The following HMCES variants were observed in gnomAD, a reference collection of about 807,000 sequenced individuals.
HMCES encodes abasic site processing protein HMCES.
Under a neutral mutation model 35.1 loss-of-function variants are expected in HMCES, and 27 were observed. That is an observed-to-expected ratio of 0.77 (90% CI 0.57 to 1.06). The LOEUF (loss-of-function observed/expected upper bound fraction) is 1.06, where lower values mean the gene tolerates loss of function less well. HMCES is among the 50% of genes least tolerant of loss of function. HMCES has a pLI of 0.00. For synonymous variants in HMCES, 130 were observed against 154.7 expected (o/e 0.84, Z 1.18); for missense variants, 391 against 430.4 (o/e 0.91, Z 0.81).
At chr3:129,285,212 C>T (rs1197015631) in intron 2 of HMCES, among the ~76,000 whole-genome samples, 1 of 152,096 alleles carries the variant, frequency 6.6e-6, no homozygotes, top group Admixed American at 6.6e-5. Flanking sequence ...GAAACTTTAC[C>T]TTCATGGCAT....
At chr3:129,302,511 G>A (rs935116566) in intron 6 of HMCES, among the ~76,000 whole-genome samples, 2 of 151,982 alleles carry the variant, frequency 1.3e-5, no homozygotes, top group Admixed American at 6.6e-5. Context: ...TCAACAGATC[G>A]AGACCATCCT....
chr3:129,284,866 C>T (rs554370267), intron 2 of HMCES, among the ~76,000 whole-genome samples: 3 of 152,228 alleles, frequency 2.0e-5, no homozygotes, highest in South Asian at 2.1e-4. Context: ...GAGCTGAGAT[C>T]GTGCCACTGC....
At chr3:129,297,154 T>C (rs1185721733) in intron 4 of HMCES, among the ~76,000 whole-genome samples, 1 of 152,136 alleles carries the variant, frequency 6.6e-6, no homozygotes, top group Non-Finnish European at 1.5e-5. Context: ...GTTGTTGGAT[T>C]TTCCTGTGAG....
intron 2 of HMCES, among the ~76,000 whole-genome samples, chr3:129,286,742 G>A (rs777497161): frequency 1.6e-4 from 24 of 150,802 alleles, no homozygotes; most frequent in Non-Finnish European, 4.4e-5. Flanking sequence ...AAATCTTTTG[G>A]ATGTCACTGT....
In HMCES at chr3:129,279,839, A is replaced by G; in HGVS notation, c.107A>G (p.Asp36Gly). Residue 36 changes from aspartate to glycine, a missense_variant, in exon 2 of 7, where the codon GAT (aspartate) becomes GGT (glycine). Transcript: ENST00000383463. The surrounding 1 kb of genome is among the most constrained non-coding windows in gnomAD (Gnocchi z 4.2). ...QQRLPEWRDP[D>G]KYCPSYNKSP... ...CGGCTCCCGGAGTGGAGGGACCCTG[A>G]TAAGTACTGCCCCTCTTACAACAAG... 6 of 1,613,582 alleles carry G rather than the reference A, an allele frequency of 3.7e-6. No homozygotes were observed. The highest frequency in any genetic ancestry group is 2.2e-5 in the East Asian group (1 of 44,864).
At chr3:129,300,560 G>A (rs1236084216) in intron 5 of HMCES, among the ~76,000 whole-genome samples, 1 of 152,130 alleles carries the variant, frequency 6.6e-6, no homozygotes, top group Non-Finnish European at 1.5e-5. Context: ...CACCTGTCAG[G>A]ATTACCTGCT....
Position 129,295,076 on chromosome 3 carries a change from A to G in HMCES, c.454-3278A>G, listed in dbSNP as rs1477522668. On this transcript the variant is annotated intron_variant, in intron 4 of 6. Coordinates refer to ENST00000383463, the MANE Select transcript of HMCES (RefSeq NM_020187.3). ...TGGGAGGCTGAGGCAGGAGAATGGC[A>G]TGAACCCAGGAGGCAGAGCTTGCAG... Among the ~76,000 whole-genome samples the G allele has an allele frequency of 4.6e-5, 7 of 150,672 alleles. No homozygotes were observed. In the East Asian group the frequency reaches 5.9e-4, roughly 13 times the overall value.
rs1269328249 is a variant in HMCES, at chr3:129,279,364, G to C, written c.-23-346G>C. 6.6e-6 allele frequency among the ~76,000 whole-genome samples: 1 copy of C among 152,188 alleles called. No homozygotes were observed. Among genetic ancestry groups the C allele is most frequent in the Non-Finnish European group, 1.5e-5 (1 of 68,012 alleles). On this transcript the variant is annotated intron_variant, in intron 1 of 6. Transcript: ENST00000383463. This position sits in a 1 kb window ranked among gnomAD's most constrained non-coding sequence, Gnocchi z 4.2. ...GGACTGGGGGGAAGGACGGGGAGTT[G>C]GGGGCACCAAGTCACCCGGAGGAGG...
intron 5 of HMCES, among the ~76,000 whole-genome samples, chr3:129,300,632 C>A (rs1038978001): frequency 6.6e-6 from 1 of 152,074 alleles, no homozygotes; most frequent in African/African-American, 2.4e-5. Context: ...CGCAGTGGCT[C>A]ACACCTGTAA....
intron 2 of HMCES, among the ~76,000 whole-genome samples, 198 bp downstream of exon 2, chr3:129,280,113 T>G (rs1482198224): frequency 2.6e-5 from 4 of 152,204 alleles, no homozygotes; most frequent in Admixed American, 2.6e-4. Flanking sequence ...TAAAGACGTA[T>G]TTTTCAGGCT....
chr3:129,304,380 T>G (rs2071209305), intron 6 of HMCES, among the ~76,000 whole-genome samples: 1 of 152,236 alleles, frequency 6.6e-6, no homozygotes. Flanking sequence ...CACAATCCTC[T>G]GTGAAACCTT....
In HMCES at chr3:129,279,510, G is replaced by T. The variant is rs1366516327; in HGVS notation, c.-23-200G>T. Among the ~76,000 whole-genome samples the T allele has an allele frequency of 6.6e-6, 1 of 152,218 alleles. No homozygotes were observed. The highest frequency in any genetic ancestry group is 1.5e-5 in the Non-Finnish European group (1 of 68,036). ...CTCTCGGGACTTGCCTCAGTGCCCT[G>T]CACGGAGCTGGGCAGTGGGCTCAGG... On this transcript the variant is annotated intron_variant, in intron 1 of 6. Transcript: ENST00000383463. This position sits in a 1 kb window ranked among gnomAD's most constrained non-coding sequence, Gnocchi z 4.2.
In HMCES at chr3:129,290,057, G is replaced by A. The variant is rs372833769; in HGVS notation, c.328-622G>A. 6.5e-4 allele frequency among the ~76,000 whole-genome samples: 98 copies of A among 151,736 alleles called. 2 individuals are homozygous for A. The East Asian group carries it at 0.013, about 20-fold the overall frequency. The stretch of plus-strand genomic sequence containing the variant: ...AAAAAATTAGCCGGGCGTGGTGGCG[G>A]ACGCCTGTAGTCCCAGCTACTCGGG... On this transcript the variant is annotated intron_variant, in intron 3 of 6. Coordinates refer to ENST00000383463, the MANE Select transcript of HMCES (RefSeq NM_020187.3).
intron 4 of HMCES, among the ~76,000 whole-genome samples, chr3:129,295,242 G>A (rs1421811891): frequency 6.7e-6 from 1 of 150,048 alleles, no homozygotes; most frequent in African/African-American, 2.5e-5. Context: ...ATGTACAGTG[G>A]TTTTTAGTAT....
intron 2 of HMCES, among the ~76,000 whole-genome samples, chr3:129,280,742 G>A (rs1279033768): frequency 1.3e-5 from 2 of 152,134 alleles, no homozygotes; most frequent in African/African-American, 4.8e-5. Context: ...TGCATTCATT[G>A]TGTTTATAGT....
At chr3:129,301,178 C>T (rs1205809814) in intron 5 of HMCES, among the ~76,000 whole-genome samples, 2 of 94,908 alleles carry the variant, frequency 2.1e-5, no homozygotes, top group Non-Finnish European at 3.8e-5. Flanking sequence ...GGCAACACAG[C>T]AAGACTCTGT....
rs139280747 is a variant in HMCES, at chr3:129,298,363, A to G, written c.463A>G (p.Ile155Val). 6.8e-6 allele frequency: 11 copies of G among 1,614,078 alleles called. No individual in the cohort carries two copies. The Admixed American group carries it at 8.3e-5, about 12-fold the overall frequency. The stretch of plus-strand genomic sequence containing the variant: ...TATATTTTGCTTCCAGTCAGGTAGC[A>G]TTGGTGCTGCAGATAGTCCTGAGAA... ...PQIKTEKSGS[I>V]GAADSPENWE... is the part of the protein sequence containing the mutation. The change falls in exon 5 of 7, where the codon ATT (isoleucine) becomes GTT (valine). Residue 155 changes from isoleucine to valine, a missense_variant. Transcript: ENST00000383463.
intron 4 of HMCES, among the ~76,000 whole-genome samples, chr3:129,298,025 G>A (rs1350343330): frequency 6.6e-6 from 1 of 152,202 alleles, no homozygotes; most frequent in Non-Finnish European, 1.5e-5. Flanking sequence ...ACAGGAGCAT[G>A]AAATTGCATG....
chr3:129,280,018 A>T, intron 2 of HMCES, 103 bp downstream of exon 2: 2 of 992,084 alleles, frequency 2.0e-6, no homozygotes, highest in Non-Finnish European at 2.9e-6. Context: ...ATTAAAAACC[A>T]GCCTTTACTG....
Sources: gnomAD v4.1 joint callset for allele counts (sites outside exome capture counted in the v4.1 genomes callset) on GRCh38, gnomAD v4.1.1 for gene constraint, Gnocchi (gnomAD v3.1) non-coding constraint, MANE v1.5 for transcripts, NCBI Gene and HGNC (gene_info 2026-07-23, HGNC 2026-07-21) for gene names.